The following CNN2 variants were observed in gnomAD, a reference collection of about 807,000 sequenced individuals.
CNN2 encodes calponin 2.
CNN2 carries 21 observed loss-of-function variants against 31.0 expected under a neutral mutation model. That is an observed-to-expected ratio of 0.68 (90% CI 0.48 to 0.98). The LOEUF is 0.98. CNN2 is among the 50% of genes least tolerant of loss of function. CNN2 has a pLI of 0.00. For missense variants in CNN2, 399 were observed against 427.3 expected (o/e 0.93, Z 0.58); for synonymous variants, 165 against 179.6 (o/e 0.92, Z 0.65).
chr19:1,032,213 T>C (rs933491668), intron 2 of CNN2, among the ~76,000 whole-genome samples, 179 bp from the exon 3 acceptor site: 2 of 136,170 alleles, frequency 1.5e-5, no homozygotes, highest in African/African-American at 5.8e-5. Flanking sequence ...CTAGTCTGGG[T>C]GACAGAGCTA....
At chr19:1,035,237 G>A (rs1292575574) in intron 4 of CNN2, among the ~76,000 whole-genome samples, 3 of 125,638 alleles carry the variant, frequency 2.4e-5, no homozygotes, top group African/African-American at 8.0e-5. Context: ...GGTGGGACAC[G>A]GTGTCTGGTG....
intron 4 of CNN2, 186 bp downstream of exon 4, chr19:1,032,882 G>A (rs571936801): frequency 1.8e-4 from 99 of 538,434 alleles, no homozygotes; most frequent in African/African-American, 1.6e-3. Context: ...AGGTTCAAGC[G>A]ATTCTTCTGC....
Position 1,036,434 on chromosome 19 carries a change from G to T in CNN2, c.526G>T (p.Ala176Ser), listed in dbSNP as rs763495702. Residue 176 changes from alanine to serine, a missense_variant, in exon 6 of 7, where the codon GCC becomes TCC. By Grantham distance (99) the Ala-to-Ser change is moderately conservative (BLOSUM62 1). Coordinates refer to ENST00000263097, the MANE Select transcript of CNN2 (RefSeq NM_004368.4). ...CCTGCAGATGGGCACCAACAAATGC[G>T]CCAGCCAGTCGGGCATGACTGCCTA... Reference protein sequence around the residue: ...IGLQMGTNKCASQSGMTAYGT... With the variant: ...IGLQMGTNKCSSQSGMTAYGT... The T allele has an allele frequency of 1.9e-6, 3 of 1,610,282 alleles. No individual in the cohort carries two copies. Among genetic ancestry groups the T allele is most frequent in the Admixed American group, 3.4e-5 (2 of 59,700 alleles).
At chr19:1,027,596 C>G (rs2039419207) in intron 1 of CNN2, among the ~76,000 whole-genome samples, 1 of 152,162 alleles carries the variant, frequency 6.6e-6, no homozygotes, top group South Asian at 2.1e-4. Flanking sequence ...GACACTTCTG[C>G]AGGGTCACAC....
intron 6 of CNN2, 114 bp downstream of exon 6, chr19:1,036,676 T>G (rs1225574752): frequency 7.5e-7 from 1 of 1,327,506 alleles, no homozygotes; most frequent in Non-Finnish European, 1.1e-6. Context: ...TCTCAGCCCC[T>G]TCCCTAGACC....
intron 1 of CNN2, 177 bp downstream of exon 1, chr19:1,026,901 G>T: frequency 1.7e-6 from 1 of 590,802 alleles, no homozygotes; most frequent in Non-Finnish European, 2.9e-6. Context: ...ACCCCCTGAG[G>T]CTCCCGCGAA....
intron 2 of CNN2, among the ~76,000 whole-genome samples, chr19:1,031,848 C>T (rs928963599): frequency 2.6e-5 from 4 of 151,752 alleles, no homozygotes; most frequent in East Asian, 2.0e-4. Flanking sequence ...GAGCCCTTGA[C>T]GTCACGTGAT....
chr19:1,032,990 G>T, intron 4 of CNN2: 1 of 324,626 alleles, frequency 3.1e-6, no homozygotes. Context: ...TGCTGGCCAG[G>T]CTGGTCTTGA....
At chr19:1,030,218 C>T (rs1193100718) in intron 1 of CNN2, among the ~76,000 whole-genome samples, 1 of 152,154 alleles carries the variant, frequency 6.6e-6, no homozygotes, top group Non-Finnish European at 1.5e-5. Flanking sequence ...GCACCGAAGG[C>T]CAAGAAAGCT....
intron 1 of CNN2, among the ~76,000 whole-genome samples, chr19:1,028,864 C>A (rs958083531): frequency 5.3e-5 from 8 of 152,182 alleles, no homozygotes; most frequent in Admixed American, 4.6e-4. Flanking sequence ...GGCGGGGCTG[C>A]CCCCGGGCGT....
At chr19:1,032,494 G>A (rs1333441859) in intron 3 of CNN2, 36 bp downstream of exon 3, 2 of 1,613,490 alleles carry the variant, frequency 1.2e-6, no homozygotes, top group African/African-American at 2.7e-5. Flanking sequence ...GGATGGTGCT[G>A]GGGGCCCATC....
chr19:1,030,272 G>C (rs1201683590), intron 1 of CNN2, among the ~76,000 whole-genome samples: 4 of 152,168 alleles, frequency 2.6e-5, no homozygotes, highest in African/African-American at 7.2e-5. Context: ...CGGTGGCAAG[G>C]AGCCAGGTGC....
chr19:1,033,746 G>C (rs868600597), intron 4 of CNN2, among the ~76,000 whole-genome samples: 31 of 95,398 alleles, frequency 3.2e-4, no homozygotes, highest in Admixed American at 5.7e-4. Flanking sequence ...TGTAGACGGG[G>C]AGCGTGGGTG....
chr19:1,026,688 C>T lies in CNN2; in HGVS notation c.27C>T (p.Gly9=), dbSNP rs2144610350. Residue 9 remains glycine (G), a synonymous_variant, in exon 1 of 7, where the codon GGC becomes GGT. Transcript: ENST00000263097. ...TGAGCTCCACGCAGTTCAACAAGGG[C>T]CCCTCGTACGGGCTGTCGGCCGAGG... MSSTQFNK[G]PSYGLSAEVK... 6.5e-7 allele frequency: 1 copy of T among 1,549,500 alleles called. No individual in the cohort carries two copies. The highest frequency in any genetic ancestry group is 8.7e-7 in the Non-Finnish European group (1 of 1,147,118).
chr19:1,026,962 C>G (rs959732430), intron 1 of CNN2: 2 of 493,714 alleles, frequency 4.1e-6, no homozygotes, highest in Non-Finnish European at 7.2e-6. Flanking sequence ...ACCCATTCCC[C>G]CCCCCAACAT....
chr19:1,027,317 G>A (rs1478799425), intron 1 of CNN2, among the ~76,000 whole-genome samples: 2 of 152,224 alleles, frequency 1.3e-5, no homozygotes, highest in African/African-American at 4.8e-5. Context: ...TAATTTAAAC[G>A]GATAACAAAG....
At chr19:1,032,343 G>A (rs778765393) in intron 2 of CNN2, 49 bp from the exon 3 acceptor site, 42 of 1,608,838 alleles carry the variant, frequency 2.6e-5, no homozygotes, top group Middle Eastern at 2.0e-4. Context: ...ACGGTTCCTC[G>A]CTGCTCACAG....
At chr19:1,036,302 G>A in intron 5 of CNN2, 56 bp downstream of exon 5, 1 of 1,568,710 alleles carries the variant, frequency 6.4e-7, no homozygotes, top group Non-Finnish European at 8.7e-7. Flanking sequence ...CCACGGTGTT[G>A]GGGGACAGCA....
rs775125246 is a variant in CNN2 at position 1,035,545 on chromosome 19, G to A, written c.391-585G>A. Reference sequence around the variant, plus strand: ...TGGTGGAAGGTGAGAGAGAGGAAGCGAAAACCACGTCCCCATCCCCAGAAT... The same window carrying A: ...TGGTGGAAGGTGAGAGAGAGGAAGCAAAAACCACGTCCCCATCCCCAGAAT... On this transcript the variant is annotated intron_variant, in intron 4 of 6. Coordinates refer to ENST00000263097, the MANE Select transcript of CNN2 (RefSeq NM_004368.4). Among the ~76,000 whole-genome samples the A allele has an allele frequency of 1.6e-4, 25 of 152,252 alleles. No individual in the cohort carries two copies. In the South Asian group the frequency reaches 2.9e-3, roughly 18 times the overall value.
Sources: allele counts gnomAD v4.1 joint callset (sites outside exome capture counted in the v4.1 genomes callset), GRCh38; gene constraint gnomAD v4.1.1; transcripts MANE v1.5; gene names NCBI Gene and HGNC (gene_info 2026-07-23, HGNC 2026-07-21).